The following CNTN5 variants were observed in gnomAD, a reference collection of about 807,000 sequenced individuals.
CNTN5 encodes contactin 5.
Under a neutral mutation model 129.1 loss-of-function variants are expected in CNTN5, and 77 were observed. The observed-to-expected ratio is 0.60, with a 90% CI of 0.50 to 0.72. The LOEUF (loss-of-function observed/expected upper bound fraction) is 0.72, where lower values mean the gene tolerates loss of function less well. CNTN5 is among the 30% of genes least tolerant of loss of function. The pLI is 0.00. For synonymous variants in CNTN5, 509 were observed against 465.6 expected (o/e 1.09, Z -1.20); for missense variants, 1,478 against 1,328.8 (o/e 1.11, Z -1.75).
At chr11:99,560,686 A>G (rs1008512590) in intron 3 of CNTN5, among the ~76,000 whole-genome samples, 1 of 152,148 alleles carries the variant, frequency 6.6e-6, no homozygotes, top group Non-Finnish European at 1.5e-5. Context: ...AAAGGCAAAA[A>G]ATACTGTACT....
intron 13 of CNTN5, among the ~76,000 whole-genome samples, chr11:100,186,364 G>A (rs1466849133): frequency 6.6e-6 from 1 of 152,070 alleles, no homozygotes; most frequent in Non-Finnish European, 1.5e-5. Flanking sequence ...GACAGAGCAA[G>A]ACCTTGTCTC....
intron 15 of CNTN5, among the ~76,000 whole-genome samples, chr11:100,211,753 T>C: frequency 6.6e-6 from 1 of 152,218 alleles, no homozygotes; most frequent in Non-Finnish European, 1.5e-5. Context: ...TTGTTTGTTT[T>C]TTTAACCACA....
intron 3 of CNTN5, among the ~76,000 whole-genome samples, chr11:99,719,026 A>G (rs1395725514): frequency 6.6e-6 from 1 of 152,114 alleles, no homozygotes; most frequent in Non-Finnish European, 1.5e-5. Flanking sequence ...TAATATTAAG[A>G]CCATAACAGA....
At chr11:99,093,878 T>A (rs752987196) in intron 1 of CNTN5, among the ~76,000 whole-genome samples, 1 of 152,022 alleles carries the variant, frequency 6.6e-6, no homozygotes, top group Non-Finnish European at 1.5e-5. Flanking sequence ...ATCTCTGACT[T>A]TCAAATTAGT....
At chr11:99,112,509 A>G (rs1335688264) in intron 1 of CNTN5, among the ~76,000 whole-genome samples, 2 of 152,210 alleles carry the variant, frequency 1.3e-5, no homozygotes, top group East Asian at 3.9e-4. Flanking sequence ...ATGAATTAAC[A>G]AGGCTAGATT....
chr11:100,030,224 A>C (rs921798126), intron 9 of CNTN5, among the ~76,000 whole-genome samples: 1 of 152,122 alleles, frequency 6.6e-6, no homozygotes, highest in African/African-American at 2.4e-5. Context: ...AGAAAAAAAA[A>C]AATTAAAGAC....
At chr11:100,251,986 C>A (rs1299140883) in intron 16 of CNTN5, among the ~76,000 whole-genome samples, 1 of 152,054 alleles carries the variant, frequency 6.6e-6, no homozygotes, top group Non-Finnish European at 1.5e-5. Flanking sequence ...TTTTGAGGAT[C>A]CTCTGTACTG....
chr11:99,973,965 T>G lies in CNTN5; in HGVS notation c.877+16956T>G, dbSNP rs188995073. 6.2e-3 allele frequency among the ~76,000 whole-genome samples: 942 copies of G among 152,294 alleles called. 3 individuals are homozygous for G. The highest frequency in any genetic ancestry group is 9.8e-3 in the Non-Finnish European group (669 of 68,026). ...TCAAAGTAGACATACTGAGAGGTAA[T>G]TCAGTTATACCAATATAATCCTGCC... On this transcript the variant is annotated intron_variant, in intron 8 of 24. Transcript: ENST00000524871.
intron 3 of CNTN5, among the ~76,000 whole-genome samples, chr11:99,773,650 CA>C (rs1178653253): frequency 2.0e-5 from 3 of 151,724 alleles, no homozygotes; most frequent in African/African-American, 7.3e-5. Context: ...TAAAAATTAG[CA>C]ATAATTTTTT....
rs190856276 is a variant in CNTN5, at chr11:100,200,509, G to A, written c.1884+6846G>A. Among the ~76,000 whole-genome samples the A allele has an allele frequency of 1.8e-4, 28 of 151,968 alleles. 1 individual carries two copies. The highest frequency in any genetic ancestry group is 1.7e-3 in the Admixed American group (26 of 15,212). On this transcript the variant is annotated intron_variant, in intron 15 of 24. Transcript: ENST00000524871. The stretch of plus-strand genomic sequence containing the variant: ...TTTATGACAGGTCTCATAACATTAT[G>A]TGTGCTATGAATAGTTACTAGTATC...
At chr11:100,015,695 C>T (rs1255252398) in intron 9 of CNTN5, among the ~76,000 whole-genome samples, 1 of 151,792 alleles carries the variant, frequency 6.6e-6, no homozygotes, top group African/African-American at 2.4e-5. Context: ...TTTCAAGACA[C>T]TTAATTTTAA....
chr11:99,383,431 A>G (rs780038970), intron 2 of CNTN5, among the ~76,000 whole-genome samples: 25 of 152,358 alleles, frequency 1.6e-4, no homozygotes, highest in Non-Finnish European at 2.8e-4. Flanking sequence ...ATATTGAGAC[A>G]TAGACTGTCC....
chr11:100,040,762 G>A (rs1360086818), intron 9 of CNTN5, among the ~76,000 whole-genome samples: 1 of 152,224 alleles, frequency 6.6e-6, no homozygotes, highest in Admixed American at 6.5e-5. Flanking sequence ...TGTGGGCGTA[G>A]GACCCTCCTA....
At chr11:99,800,813 T>C (rs893935563) in intron 3 of CNTN5, among the ~76,000 whole-genome samples, 11 of 152,192 alleles carry the variant, frequency 7.2e-5, no homozygotes, top group African/African-American at 2.7e-4. Flanking sequence ...GTGGGTGTTG[T>C]TTCATGTGGG....
chr11:99,488,334 G>A (rs1350109042), intron 2 of CNTN5, among the ~76,000 whole-genome samples: 6 of 149,368 alleles, frequency 4.0e-5, no homozygotes, highest in South Asian at 2.2e-4. Flanking sequence ...CACCATGGCC[G>A]GCTAATTTTT....
intron 2 of CNTN5, among the ~76,000 whole-genome samples, chr11:99,536,088 T>G (rs1947890459): frequency 6.6e-6 from 1 of 152,082 alleles, no homozygotes. Flanking sequence ...AATGAATCAT[T>G]TAATAGGTAA....
At chr11:99,790,626 T>G (rs1335709244) in intron 3 of CNTN5, among the ~76,000 whole-genome samples, 1 of 152,120 alleles carries the variant, frequency 6.6e-6, no homozygotes, top group Non-Finnish European at 1.5e-5. Flanking sequence ...ATTGCTATGA[T>G]GAATATACAC....
chr11:100,056,960 T>C (rs1425485013), intron 9 of CNTN5, among the ~76,000 whole-genome samples: 1 of 151,610 alleles, frequency 6.6e-6, no homozygotes. Flanking sequence ...TAAAATATAC[T>C]TTTTTCCCAA....
At chr11:99,834,959 T>C (rs867927691) in intron 4 of CNTN5, among the ~76,000 whole-genome samples, 2 of 152,198 alleles carry the variant, frequency 1.3e-5, no homozygotes, top group Non-Finnish European at 2.9e-5. Flanking sequence ...GAGAGAAAGC[T>C]ATCCAGAGTA....
Sources: gnomAD v4.1 joint callset for allele counts (sites outside exome capture counted in the v4.1 genomes callset) on GRCh38, gnomAD v4.1.1 for gene constraint, MANE v1.5 for transcripts, NCBI Gene and HGNC (gene_info 2026-07-23, HGNC 2026-07-21) for gene names.